MACROD1: variants seen among roughly 807,000 people sequenced by gnomAD.
The protein encoded by MACROD1 is mono-ADP ribosylhydrolase 1.
MACROD1 carries 31 observed loss-of-function variants against 41.4 expected under a neutral mutation model. The observed-to-expected ratio is 0.75, with a 90% CI of 0.56 to 1.01. The LOEUF is 1.01. MACROD1 is among the 50% of genes least tolerant of loss of function. The pLI, the probability that MACROD1 is intolerant of heterozygous loss-of-function variation, is 0.00. For missense variants in MACROD1, 473 were observed against 460.0 expected (o/e 1.03, Z -0.26); for synonymous variants, 252 against 203.4 (o/e 1.24, Z -2.03).
intron 3 of MACROD1, among the ~76,000 whole-genome samples, chr11:64,055,099 A>T (rs1266564562): frequency 1.3e-5 from 2 of 151,920 alleles, no homozygotes; most frequent in Admixed American, 6.6e-5. Flanking sequence ...GGTGACCCTC[A>T]TCACCGCCAA....
At position 64,120,702 on chromosome 11, in the gene MACROD1, C is replaced by G. The variant is rs1945084000; in HGVS notation, c.517+30537G>C. On this transcript the variant is annotated intron_variant, in intron 3 of 10. Transcript: ENST00000255681. The surrounding 1 kb of genome is among the most constrained non-coding windows in gnomAD (Gnocchi z 4.5). ...CCATCTCAAAAAAAAAAAAGTAGGC[C>G]CTCCCAGTGGACCATGGCCCCCCAG... Among the ~76,000 whole-genome samples, 1 of 151,984 alleles carries G rather than the reference C, an allele frequency of 6.6e-6. No individual in the cohort carries two copies. The highest frequency in any genetic ancestry group is 2.4e-5 in the African/African-American group (1 of 41,408).
At position 64,152,232 on chromosome 11, in the gene MACROD1, A is replaced by T. The variant is rs1447581036; in HGVS notation, c.400+60T>A. The T allele has an allele frequency of 8.8e-6, 13 of 1,477,038 alleles. No homozygotes were observed. In the South Asian group the frequency reaches 1.4e-4, roughly 15 times the overall value. The allele number at this position is 1,477,038 out of a possible 1,614,324, so 91.5% of individuals were successfully genotyped here. A position where few individuals can be genotyped will look rare whatever the true frequency, so the allele number is the denominator to read the frequency against. On this transcript the variant is annotated intron_variant, in intron 2 of 10. Transcript: ENST00000255681. ...TGGACTAGCTCTTCTTGTCTGCACA[A>T]TTCTCCCAAGCCACGGGTCTGGAGC...
intron 3 of MACROD1, among the ~76,000 whole-genome samples, chr11:64,060,980 G>A (rs376305498): frequency 1.3e-5 from 2 of 151,920 alleles, no homozygotes; most frequent in Non-Finnish European, 2.9e-5. Flanking sequence ...CCAGGCGACC[G>A]GGCGGGCCGG....
At chr11:64,101,543 G>A (rs529213706) in intron 3 of MACROD1, among the ~76,000 whole-genome samples, 316 of 152,166 alleles carry the variant, frequency 2.1e-3, no homozygotes, top group Non-Finnish European at 3.2e-3. Flanking sequence ...CACCCCCATC[G>A]GTATAAAACA....
intron 3 of MACROD1, among the ~76,000 whole-genome samples, chr11:64,092,634 G>A (rs918135160): frequency 4.6e-5 from 7 of 152,186 alleles, no homozygotes; most frequent in African/African-American, 1.4e-4. Flanking sequence ...CTGCAGGCAC[G>A]TGTGCCACTG....
chr11:64,113,371 TG>T (rs1359395865), intron 3 of MACROD1, among the ~76,000 whole-genome samples: 2 of 152,128 alleles, frequency 1.3e-5, no homozygotes, highest in Non-Finnish European at 2.9e-5. Context: ...GATGGATGGA[TG>T]GATGGATGGA....
chr11:64,023,171 C>A (rs1943180042), intron 3 of MACROD1, among the ~76,000 whole-genome samples: 1 of 152,134 alleles, frequency 6.6e-6, no homozygotes, highest in Non-Finnish European at 1.5e-5. Context: ...CCACATGGAT[C>A]TTTGACCATC....
At chr11:64,129,486 C>T (rs754134691) in intron 3 of MACROD1, among the ~76,000 whole-genome samples, 3 of 152,208 alleles carry the variant, frequency 2.0e-5, no homozygotes. Flanking sequence ...TACAGTTTGT[C>T]TGGGGAGTGT....
chr11:64,147,732 G>A (rs907195618), intron 3 of MACROD1, among the ~76,000 whole-genome samples: 1 of 96,538 alleles, frequency 1.0e-5, no homozygotes, highest in African/African-American at 3.6e-5. Context: ...CCCAGAATCT[G>A]ATGTTCTATT....
At position 64,135,576 on chromosome 11, in the gene MACROD1, A is replaced by G. The variant is rs554390055; in HGVS notation, c.517+15663T>C. Among the ~76,000 whole-genome samples, 12 of 152,292 alleles carry G rather than the reference A, an allele frequency of 7.9e-5. No individual in the cohort carries two copies. In the East Asian group the frequency reaches 9.6e-4, roughly 12 times the overall value. ...AGTGGACAAACACGCAGGCCATAAA[A>G]CTGATTTCCAAAGCCTATAAAGGCA... On this transcript the variant is annotated intron_variant, in intron 3 of 10. Transcript: ENST00000255681.
At chr11:64,144,328 T>G (rs184621676) in intron 3 of MACROD1, among the ~76,000 whole-genome samples, 48 of 152,254 alleles carry the variant, frequency 3.2e-4, no homozygotes, top group Admixed American at 9.8e-4. Context: ...TCCATTCACA[T>G]GTGTTACCCC....
chr11:64,099,563 T>C (rs1325116296), intron 3 of MACROD1, among the ~76,000 whole-genome samples: 5 of 149,634 alleles, frequency 3.3e-5, no homozygotes, highest in Admixed American at 6.6e-5. Context: ...GATGGATGGA[T>C]AGAGGTGAAT....
intron 1 of MACROD1, among the ~76,000 whole-genome samples, chr11:64,158,054 C>T (rs1020217323): frequency 2.0e-5 from 3 of 152,178 alleles, no homozygotes; most frequent in African/African-American, 7.2e-5. Flanking sequence ...GGGAGAAGCC[C>T]CCCGACTCCC....
chr11:64,025,839 C>T (rs1331881348), intron 3 of MACROD1, among the ~76,000 whole-genome samples: 1 of 151,914 alleles, frequency 6.6e-6, no homozygotes, highest in Non-Finnish European at 1.5e-5. Context: ...TCTGCCTCAG[C>T]CTCCCAAGTA....
rs647833 is a variant in MACROD1 at position 64,120,199 on chromosome 11, A to G, written c.517+31040T>C. On this transcript the variant is annotated intron_variant, in intron 3 of 10. Transcript: ENST00000255681. This position sits in a 1 kb window ranked among gnomAD's most constrained non-coding sequence, Gnocchi z 4.5. The stretch of plus-strand genomic sequence containing the variant: ...CCACGTGGAAAGTGGAAAAATGGGC[A>G]CAGGCTCCCAGCACGGCCTGGGGGG... Among the ~76,000 whole-genome samples the G allele has an allele frequency of 0.53, 81,006 of 152,130 alleles. 24,663 individuals are homozygous for G. The highest frequency in any genetic ancestry group is 0.68 in the Non-Finnish European group (46,359 of 67,960).
intron 1 of MACROD1, among the ~76,000 whole-genome samples, chr11:64,161,247 G>C (rs2134732900): frequency 6.6e-6 from 1 of 152,270 alleles, no homozygotes; most frequent in African/African-American, 2.4e-5. Flanking sequence ...ACACTATACA[G>C]CAATGAAAAA....
intron 4 of MACROD1, chr11:64,009,154 GGAGAGACACGGGCGTCAGGGCTCTGTC>G (rs1942962613): frequency 6.6e-6 from 1 of 152,234 alleles, no homozygotes; most frequent in Admixed American, 6.5e-5. Context: ...CTAATAAACA[GGAGAGACACGGGCGTCAGGGCTCTGTC>G]GATTCCCATC....
In MACROD1 at chr11:64,151,371, G is replaced by C. The variant is rs1273073055; in HGVS notation, c.401-16C>G. The C allele has an allele frequency of 6.3e-7, 1 of 1,595,548 alleles. No homozygotes were observed. Among genetic ancestry groups the C allele is most frequent in the Admixed American group, 1.7e-5 (1 of 59,982 alleles). ...ACAGCCACCCCTGGAACAAGTAGGG[G>C]CCGGGGAGGTCACAGCGAGGCTGCC... On this transcript the variant is annotated splice_polypyrimidine_tract_variant and intron_variant, in intron 2 of 10. Transcript: ENST00000255681.
chr11:64,029,100 G>T (rs1943261171), intron 3 of MACROD1, among the ~76,000 whole-genome samples: 1 of 152,248 alleles, frequency 6.6e-6, no homozygotes, highest in Non-Finnish European at 1.5e-5. Flanking sequence ...ATTGGCATCT[G>T]TTGGGGGACA....
Sources: allele counts gnomAD v4.1 joint callset (sites outside exome capture counted in the v4.1 genomes callset), GRCh38; gene constraint gnomAD v4.1.1; non-coding constraint Gnocchi (gnomAD v3.1); transcripts MANE v1.5; gene names NCBI Gene and HGNC (gene_info 2026-07-23, HGNC 2026-07-21).